Variants in DLG2 observed in about 807,000 individuals in gnomAD.
DLG2 encodes the protein disks large homolog 2.
DLG2 carries 45 observed loss-of-function variants against 132.5 expected under a neutral mutation model. The ratio of observed to expected loss-of-function variants is 0.34; its 90% CI spans 0.27 to 0.44. The LOEUF (loss-of-function observed/expected upper bound fraction) is 0.44, where lower values mean the gene tolerates loss of function less well. DLG2 is among the 20% of genes least tolerant of loss of function. DLG2 has a pLI of 1.00. For synonymous variants in DLG2, 424 were observed against 419.6 expected, an observed-to-expected ratio of 1.01 and a Z score of -0.13; for missense variants, 1,045 against 1,196.9, an observed-to-expected ratio of 0.87 and a Z score of 1.87.
intron 7 of DLG2, among the ~76,000 whole-genome samples, chr11:84,296,331 C>T (rs1484625096): frequency 1.3e-5 from 2 of 152,172 alleles, no homozygotes; most frequent in South Asian, 2.1e-4. Flanking sequence ...TTGTGAGAAA[C>T]AGACAGGATT....
chr11:83,592,755 G>T (rs1276409193), intron 19 of DLG2, among the ~76,000 whole-genome samples: 1 of 147,234 alleles, frequency 6.8e-6, no homozygotes, highest in Admixed American at 6.8e-5. Flanking sequence ...CTGACAAAGG[G>T]CTAATATCCA....
chr11:84,504,306 T>C (rs966278154), intron 7 of DLG2, among the ~76,000 whole-genome samples: 1 of 152,150 alleles, frequency 6.6e-6, no homozygotes, highest in East Asian at 1.9e-4. Flanking sequence ...TTAACTTCCA[T>C]CAGATAAATC....
intron 7 of DLG2, among the ~76,000 whole-genome samples, chr11:84,392,831 T>A (rs774460336): frequency 1.3e-5 from 2 of 152,154 alleles, no homozygotes; most frequent in Non-Finnish European, 2.9e-5. Context: ...GGATTCTAAT[T>A]TGGGCAGTTT....
At chr11:83,811,854 T>A (rs2047377770) in intron 17 of DLG2, among the ~76,000 whole-genome samples, 1 of 152,216 alleles carries the variant, frequency 6.6e-6, no homozygotes, top group African/African-American at 2.4e-5. Flanking sequence ...GAAACTAGTA[T>A]AACAGAGAGA....
At chr11:84,652,396 G>A (rs566290431) in intron 6 of DLG2, among the ~76,000 whole-genome samples, 1 of 152,106 alleles carries the variant, frequency 6.6e-6, no homozygotes, top group Non-Finnish European at 1.5e-5. Flanking sequence ...GGAAATTTAG[G>A]GTAACGCACA....
chr11:84,386,319 A>G (rs1209136736), intron 7 of DLG2, among the ~76,000 whole-genome samples: 2 of 151,576 alleles, frequency 1.3e-5, no homozygotes, highest in Non-Finnish European at 2.9e-5. Flanking sequence ...TACTCACACT[A>G]CTCTCCTACT....
At chr11:83,617,962 A>C (rs1402539107) in intron 19 of DLG2, among the ~76,000 whole-genome samples, 1 of 152,334 alleles carries the variant, frequency 6.6e-6, no homozygotes, top group East Asian at 1.9e-4. Flanking sequence ...TTGGCACTAC[A>C]TTCCAGACTG....
intron 9 of DLG2, among the ~76,000 whole-genome samples, chr11:84,141,826 T>C (rs2094861551): frequency 6.6e-6 from 1 of 152,136 alleles, no homozygotes; most frequent in Non-Finnish European, 1.5e-5. Flanking sequence ...TTTTAATCAA[T>C]AGAATGTGAA....
At chr11:83,736,166 T>C (rs958510049) in intron 18 of DLG2, among the ~76,000 whole-genome samples, 2 of 152,190 alleles carry the variant, frequency 1.3e-5, no homozygotes, top group Non-Finnish European at 2.9e-5. Context: ...AGGAGCATGA[T>C]AGTATATTTG....
chr11:84,986,717 T>C (rs1007202579), intron 6 of DLG2, among the ~76,000 whole-genome samples: 1 of 152,168 alleles, frequency 6.6e-6, no homozygotes, highest in Non-Finnish European at 1.5e-5. Flanking sequence ...AGCGTATTTT[T>C]ATAATTAAAA....
At chr11:85,249,367 T>A (rs1177734418) in intron 4 of DLG2, among the ~76,000 whole-genome samples, 1 of 151,960 alleles carries the variant, frequency 6.6e-6, no homozygotes, top group African/African-American at 2.4e-5. Flanking sequence ...ACTATAATGT[T>A]ATAATTTTAG....
intron 3 of DLG2, among the ~76,000 whole-genome samples, chr11:85,592,038 A>C (rs1292685459): frequency 6.6e-6 from 1 of 152,196 alleles, no homozygotes; most frequent in East Asian, 1.9e-4. Context: ...AGCAACAACA[A>C]TGTACAATAA....
intron 9 of DLG2, among the ~76,000 whole-genome samples, chr11:84,160,436 A>T (rs981751052): frequency 1.1e-4 from 16 of 152,178 alleles, no homozygotes; most frequent in Non-Finnish European, 2.2e-4. Context: ...ACCAGTAATG[A>T]CTTTGATATA....
intron 9 of DLG2, among the ~76,000 whole-genome samples, chr11:84,115,999 TA>T (rs1377956631): frequency 6.6e-6 from 1 of 152,136 alleles, no homozygotes; most frequent in Non-Finnish European, 1.5e-5. Context: ...TAAGAAGCGG[TA>T]ATAGAGTGAA....
intron 6 of DLG2, among the ~76,000 whole-genome samples, chr11:85,096,346 G>C (rs1330892638): frequency 6.6e-6 from 1 of 152,030 alleles, no homozygotes; most frequent in East Asian, 1.9e-4. Context: ...CTCACTGCAA[G>C]GGTCTGTGGC....
chr11:84,843,755 A>G (rs1018607025), intron 6 of DLG2, among the ~76,000 whole-genome samples: 8 of 151,818 alleles, frequency 5.3e-5, no homozygotes, highest in Non-Finnish European at 1.5e-5. Flanking sequence ...GACAAGAAAA[A>G]AAGTCTATAC....
At chr11:85,391,630 A>C (rs924341894) in intron 3 of DLG2, among the ~76,000 whole-genome samples, 3 of 152,162 alleles carry the variant, frequency 2.0e-5, no homozygotes, top group Non-Finnish European at 2.9e-5. Context: ...GGGATGGTTT[A>C]ACATCCACAA....
intron 4 of DLG2, among the ~76,000 whole-genome samples, chr11:85,225,697 C>A (rs1231689470): frequency 6.6e-6 from 1 of 151,996 alleles, no homozygotes; most frequent in African/African-American, 2.4e-5. Context: ...TATTTTTCAA[C>A]CCAAAGCATT....
chr11:83,604,339 T>C (rs770392941), intron 19 of DLG2, among the ~76,000 whole-genome samples: 3 of 152,214 alleles, frequency 2.0e-5, no homozygotes, highest in African/African-American at 4.8e-5. Context: ...CAAGTTAAGA[T>C]TGAATTTCAA....
Sources: allele counts gnomAD v4.1 joint callset (sites outside exome capture counted in the v4.1 genomes callset), GRCh38; gene constraint gnomAD v4.1.1; transcripts MANE v1.5; gene names NCBI Gene and HGNC (gene_info 2026-07-23, HGNC 2026-07-21).